The following HELZ variants were observed in gnomAD, a reference collection of about 807,000 sequenced individuals.
HELZ encodes the protein ATP-dependent RNA helicase with zinc finger domain.
A neutral mutation model predicts 218.2 loss-of-function variants in HELZ; 23 were observed. The ratio of observed to expected loss-of-function variants is 0.11; its 90% confidence interval spans 0.08 to 0.15. The LOEUF (loss-of-function observed/expected upper bound fraction) is 0.15. Ranked by LOEUF, HELZ falls within the 10% of genes least tolerant of loss-of-function variation. HELZ has a pLI of 1.00. For missense variants in HELZ, 1,813 were observed against 2,353.7 expected, an observed-to-expected ratio of 0.77 and a Z score of 4.75; for synonymous variants, 814 against 829.4, an observed-to-expected ratio of 0.98 and a Z score of 0.32.
chr17:67,215,713 T>C (rs2040582213), intron 5 of HELZ, 186 bp downstream of exon 5: 2 of 614,924 alleles, frequency 3.3e-6, no homozygotes, highest in Admixed American at 2.9e-5. Context: ...TAAACATTCA[T>C]GAGTAAGAGC....
At chr17:67,089,696 G>GACAGAGAGAGAGAC (rs1555595459) in intron 31 of HELZ, among the ~76,000 whole-genome samples, 1 of 122,676 alleles carries the variant, frequency 8.2e-6, no homozygotes, top group Non-Finnish European at 1.7e-5. Flanking sequence ...GAGAGAGAGA[G>GACAGAGAGAGAGAC]AGAGACAGAG....
At chr17:67,191,774 T>TG (rs2039903430) in intron 9 of HELZ, among the ~76,000 whole-genome samples, 1 of 151,834 alleles carries the variant, frequency 6.6e-6, no homozygotes, top group Non-Finnish European at 1.5e-5. Flanking sequence ...TTTTTTTTTT[T>TG]TTTTTTGAGA....
In HELZ at chr17:67,160,312, T is replaced by C; in HGVS notation, c.2126A>G (p.Asp709Gly). Residue 709 changes from aspartate to glycine, a missense_variant, in exon 17 of 33, where the codon GAT becomes GGT. This residue lies in a region of HELZ where 714 missense variants were observed against 1,029.2 expected (regional missense o/e 0.69). Coordinates refer to ENST00000358691, the MANE Select transcript of HELZ (RefSeq NM_014877.4). ...SNSAADLYIKDYLHPYVEAGN... is the reference protein window; with the variant it reads ...SNSAADLYIKGYLHPYVEAGN... ...TGCTTCTACATATGGATGTAAATAA[T>C]CCTTTATGTAGAGATCAGCAGCACT... 1 of 1,612,842 alleles carries C rather than the reference T, an allele frequency of 6.2e-7. No homozygotes were observed. Among genetic ancestry groups the C allele is most frequent in the Non-Finnish European group, 8.5e-7 (1 of 1,179,200 alleles).
At chr17:67,221,503 T>C (rs952612896) in intron 3 of HELZ, among the ~76,000 whole-genome samples, 4 of 152,156 alleles carry the variant, frequency 2.6e-5, no homozygotes, top group Admixed American at 6.5e-5. Flanking sequence ...AAGCTAATAA[T>C]GCACCAGCTA....
At position 67,108,509 on chromosome 17, in the gene HELZ, C is replaced by T. The variant is rs779639085; in HGVS notation, c.4707G>A (p.Val1569=). 1 of 1,613,846 alleles carries T rather than the reference C, an allele frequency of 6.2e-7. No individual in the cohort carries two copies. The highest frequency in any genetic ancestry group is 1.7e-5 in the Admixed American group (1 of 60,028). ...TGGAATACCTTGAGTATGTGGTCTCCACTTCATCTTCGGCACTGCTGGTGA... is the reference window on the plus strand; with the variant it reads ...TGGAATACCTTGAGTATGTGGTCTCTACTTCATCTTCGGCACTGCTGGTGA... ...WKLTSSAEDE[V]ETTYSRFQDL... is the part of the protein sequence containing the mutation. The change falls in exon 30 of 33, where the codon GTG becomes GTA. Residue 1569 remains valine (V), a synonymous_variant. Coordinates refer to ENST00000358691, the MANE Select transcript of HELZ (RefSeq NM_014877.4). This position sits in a 1 kb window ranked among gnomAD's most constrained non-coding sequence, Gnocchi z 4.1.
intron 21 of HELZ, among the ~76,000 whole-genome samples, chr17:67,138,976 T>TA (rs1251881349): frequency 6.6e-6 from 1 of 152,076 alleles, no homozygotes; most frequent in Non-Finnish European, 1.5e-5. Context: ...AAAAAAAATA[T>TA]ATAAGGCAAG....
rs776461050 is a variant in HELZ, at chr17:67,120,379, C to T, written c.3838+26G>A. The T allele has an allele frequency of 8.2e-6, 13 of 1,585,852 alleles. No homozygotes were observed. In the South Asian group the frequency reaches 1.3e-4, roughly 16 times the overall value. On this transcript the variant is annotated intron_variant, in intron 27 of 32. Transcript: ENST00000358691. Reference sequence around the variant, plus strand: ...ACTTTACCTGTCATCAGTTTATGAACAGGAGAACAGCGAAGTACAACTTAC... The same window carrying T: ...ACTTTACCTGTCATCAGTTTATGAATAGGAGAACAGCGAAGTACAACTTAC...
At chr17:67,179,815 GT>G (rs1396290969) in intron 12 of HELZ, 1 of 151,978 alleles carries the variant, frequency 6.6e-6, no homozygotes, top group African/African-American at 2.4e-5. Flanking sequence ...TGGAAAAACG[GT>G]TTCACAACTC....
At chr17:67,214,863 A>G (rs1218016612) in intron 5 of HELZ, among the ~76,000 whole-genome samples, 1 of 152,146 alleles carries the variant, frequency 6.6e-6, no homozygotes, top group African/African-American at 2.4e-5. Context: ...CTGAAACAGG[A>G]GACCAGGTGC....
intron 4 of HELZ, among the ~76,000 whole-genome samples, chr17:67,216,891 T>C (rs1381206528): frequency 6.6e-6 from 1 of 152,136 alleles, no homozygotes; most frequent in Non-Finnish European, 1.5e-5. Context: ...GGGTTGCTCT[T>C]TAGGTTGCTT....
chr17:67,096,511 A>G (rs531982754), intron 31 of HELZ, among the ~76,000 whole-genome samples: 3 of 152,252 alleles, frequency 2.0e-5, no homozygotes, highest in Non-Finnish European at 2.9e-5. Flanking sequence ...ATCTTCATCA[A>G]TGATCTTAGC....
chr17:67,123,050 T>C lies in HELZ; in HGVS notation c.3550A>G (p.Ile1184Val). 1.2e-6 allele frequency: 2 copies of C among 1,613,466 alleles called. No individual in the cohort carries two copies. The highest frequency in any genetic ancestry group is 1.7e-6 in the Non-Finnish European group (2 of 1,179,398). ...ATACTTGTCCCAGTGTGAGGATCTA[T>C]TCTTTGAACAGGGCTTGGAGATTTT... ...LGKSPSPVQR[I>V]DPHTGTSILY... The change falls in exon 26 of 33, where the codon ATA (isoleucine) becomes GTA (valine). Residue 1184 changes from isoleucine to valine, a missense_variant. Physicochemically the swap from Ile to Val is conservative, Grantham distance 29 (BLOSUM62 3). Around this residue, in one of 4 missense-constraint regions of HELZ, gnomAD observed 938 missense variants for 1,027.5 expected, o/e 0.91. Coordinates refer to ENST00000358691, the MANE Select transcript of HELZ (RefSeq NM_014877.4).
At chr17:67,177,290 T>C (rs1227776562) in intron 13 of HELZ, among the ~76,000 whole-genome samples, 1 of 152,160 alleles carries the variant, frequency 6.6e-6, no homozygotes, top group African/African-American at 2.4e-5. Context: ...TACAATTTTG[T>C]AGGGTTTCTC....
chr17:67,216,956 G>A (rs989824821), intron 4 of HELZ, among the ~76,000 whole-genome samples: 7 of 152,058 alleles, frequency 4.6e-5, no homozygotes, highest in Non-Finnish European at 8.8e-5. Flanking sequence ...CCCAAGACTC[G>A]GCCCTCAGTC....
chr17:67,165,023 G>C (rs1441112145), intron 15 of HELZ, among the ~76,000 whole-genome samples: 5 of 152,186 alleles, frequency 3.3e-5, no homozygotes, highest in Non-Finnish European at 7.3e-5. Context: ...CTCTGAGAAT[G>C]AAAAGAAAAG....
intron 31 of HELZ, among the ~76,000 whole-genome samples, chr17:67,097,159 T>C (rs916841148): frequency 3.9e-5 from 6 of 152,176 alleles, no homozygotes; most frequent in Admixed American, 2.0e-4. Context: ...AGAATACACA[T>C]AACACTGATT....
At chr17:67,085,388 C>T (rs1339814957) in intron 32 of HELZ, among the ~76,000 whole-genome samples, 1 of 152,174 alleles carries the variant, frequency 6.6e-6, no homozygotes, top group Non-Finnish European at 1.5e-5. Flanking sequence ...CACTACTGCA[C>T]TCCAGTCTGG....
intron 6 of HELZ, among the ~76,000 whole-genome samples, chr17:67,202,219 A>G (rs1567887351): frequency 6.6e-6 from 1 of 152,132 alleles, no homozygotes; most frequent in Non-Finnish European, 1.5e-5. Flanking sequence ...TTCTTAAGTT[A>G]CGAACTGGTT....
At chr17:67,228,491 G>A (rs190431802) in intron 3 of HELZ, among the ~76,000 whole-genome samples, 69 of 151,898 alleles carry the variant, frequency 4.5e-4, no homozygotes, top group South Asian at 8.3e-4. Flanking sequence ...GCGAAACCCC[G>A]CCTCTACCAA....
Sources: allele counts gnomAD v4.1 joint callset (sites outside exome capture counted in the v4.1 genomes callset), GRCh38; gene constraint gnomAD v4.1.1; regional missense constraint gnomAD v4.1.1; non-coding constraint Gnocchi (gnomAD v3.1); transcripts MANE v1.5; gene names NCBI Gene and HGNC (gene_info 2026-07-23, HGNC 2026-07-21).